Variants in AP3D1 observed in about 807,000 individuals in gnomAD.
The protein encoded by AP3D1 is AP-3 complex subunit delta-1.
A neutral mutation model predicts 147.6 loss-of-function variants in AP3D1; 51 were observed. The observed-to-expected ratio is 0.35, with a 90% confidence interval of 0.28 to 0.44. The LOEUF is 0.44. Among genes scored for constraint, AP3D1 ranks in the 20% least tolerant of loss-of-function variants. The pLI, the probability that AP3D1 is intolerant of heterozygous loss-of-function variation, is 1.00. For synonymous variants in AP3D1, 760 were observed against 663.0 expected (o/e 1.15, Z -2.25); for missense variants, 1,421 against 1,624.2 (o/e 0.87, Z 2.15).
At chr19:2,116,996 G>A (rs984949843) in intron 16 of AP3D1, 11 of 787,954 alleles carry the variant, frequency 1.4e-5, no homozygotes, top group Admixed American at 6.5e-5. Flanking sequence ...TTATGGCAAG[G>A]GTGGGAGCAG....
At chr19:2,115,747 G>A (rs913883091) in intron 18 of AP3D1, 134 bp from the exon 19 acceptor site, 16 of 913,794 alleles carry the variant, frequency 1.8e-5, no homozygotes, top group African/African-American at 1.5e-4. Flanking sequence ...GCCCTGGGCC[G>A]CGAGGAGCGC....
At chr19:2,102,411 C>T (rs60604006) in intron 31 of AP3D1, 143 bp from the exon 32 acceptor site, 20 of 654,818 alleles carry the variant, frequency 3.1e-5, no homozygotes, top group Non-Finnish European at 4.5e-5. Context: ...CTGGTCAACA[C>T]GGTGAAACCC....
chr19:2,133,936 T>C (rs901480452), intron 4 of AP3D1, among the ~76,000 whole-genome samples: 1 of 151,854 alleles, frequency 6.6e-6, no homozygotes, highest in African/African-American at 2.4e-5. Flanking sequence ...GGTGAAACCC[T>C]GTCTCTCCTA....
In AP3D1 at chr19:2,139,421, G is replaced by A. The variant is rs75252590; in HGVS notation, c.97-707C>T. Among the ~76,000 whole-genome samples the A allele has an allele frequency of 7.9e-3, 1,196 of 152,254 alleles. 6 individuals are homozygous for A. Among genetic ancestry groups the A allele is most frequent in the African/African-American group, 0.014 (567 of 41,562 alleles). ...GTCTGGTGTGTCTGGATCCCCCTGGGCCTGCTCACTAACTGCGCGTGTCTC... is the reference window on the plus strand; with the variant it reads ...GTCTGGTGTGTCTGGATCCCCCTGGACCTGCTCACTAACTGCGCGTGTCTC... On this transcript the variant is annotated intron_variant, in intron 1 of 31. Coordinates refer to ENST00000643116, the MANE Select transcript of AP3D1 (RefSeq NM_001261826.3).
At chr19:2,127,066 A>C (rs2018777316) in intron 9 of AP3D1, 86 bp downstream of exon 9, 2 of 1,436,454 alleles carry the variant, frequency 1.4e-6, no homozygotes, top group Admixed American at 1.7e-5. Flanking sequence ...GCTCGGAGAC[A>C]CCAGGCCTGG....
At chr19:2,145,562 T>A (rs1250395786) in intron 1 of AP3D1, among the ~76,000 whole-genome samples, 2 of 152,000 alleles carry the variant, frequency 1.3e-5, no homozygotes, top group Admixed American at 1.3e-4. Flanking sequence ...CCAAGAACAA[T>A]CCAGCCTGAT....
intron 15 of AP3D1, 133 bp from the exon 16 acceptor site, chr19:2,117,500 G>C (rs568050271): frequency 2.0e-6 from 2 of 989,344 alleles, no homozygotes; most frequent in Non-Finnish European, 2.8e-6. Flanking sequence ...GCCACAGAGA[G>C]CCCAGCCTTC....
intron 3 of AP3D1, 95 bp downstream of exon 3, chr19:2,137,632 T>C: frequency 1.0e-5 from 11 of 1,078,440 alleles, no homozygotes; most frequent in Non-Finnish European, 1.5e-5. Context: ...CTAGACTCTG[T>C]CTCAAGAATA....
intron 29 of AP3D1, 197 bp from the exon 30 acceptor site, chr19:2,109,404 C>T: frequency 1.5e-6 from 1 of 682,006 alleles, no homozygotes; most frequent in African/African-American, 1.8e-5. Flanking sequence ...CTGACAATGA[C>T]TTGTCTTTAA....
At chr19:2,157,304 T>A (rs1023869265) in intron 1 of AP3D1, among the ~76,000 whole-genome samples, 1 of 150,426 alleles carries the variant, frequency 6.6e-6, no homozygotes, top group African/African-American at 2.4e-5. Flanking sequence ...TAGCCGGGCG[T>A]AGTGGCGGGC....
intron 28 of AP3D1, 60 bp from the exon 29 acceptor site, chr19:2,110,018 G>A: frequency 6.3e-7 from 1 of 1,599,170 alleles, no homozygotes; most frequent in Non-Finnish European, 8.6e-7. Context: ...CAGGGCTCAG[G>A]GTTCCCCAGG....
chr19:2,155,978 G>A (rs527955145), upstream of AP3D1, among the ~76,000 whole-genome samples: 6 of 151,418 alleles, frequency 4.0e-5, no homozygotes, highest in African/African-American at 1.5e-4. Flanking sequence ...GCGTGTACCC[G>A]GGAGGCGGAG....
chr19:2,152,572 C>T (rs1054050694), upstream of AP3D1, among the ~76,000 whole-genome samples: 2 of 146,996 alleles, frequency 1.4e-5, no homozygotes, highest in African/African-American at 2.5e-5. Context: ...AGAAAGTAAT[C>T]GCAATAAAAA....
chr19:2,102,450 C>G (rs539053516), intron 31 of AP3D1, among the ~76,000 whole-genome samples, 182 bp from the exon 32 acceptor site: 1 of 152,104 alleles, frequency 6.6e-6, no homozygotes, highest in South Asian at 2.1e-4. Flanking sequence ...AAAAAATGGC[C>G]GGGTGCGGTG....
chr19:2,122,586 G>A (rs970337383), intron 11 of AP3D1, among the ~76,000 whole-genome samples: 25 of 152,234 alleles, frequency 1.6e-4, no homozygotes, highest in African/African-American at 3.1e-4. Flanking sequence ...TGCCTATGGC[G>A]AAGTTCAGTG....
intron 31 of AP3D1, 102 bp from the exon 32 acceptor site, chr19:2,102,370 G>A (rs2017979263): frequency 2.1e-6 from 2 of 952,194 alleles, no homozygotes; most frequent in East Asian, 4.9e-5. Context: ...AAGGTGGGTG[G>A]ATCACCTGAG....
chr19:2,132,035 C>G (rs1335424572), intron 5 of AP3D1, among the ~76,000 whole-genome samples: 6 of 152,158 alleles, frequency 3.9e-5, no homozygotes, highest in Non-Finnish European at 7.3e-5. Flanking sequence ...TTTCTGGGGC[C>G]AAAATTTCCA....
At chr19:2,116,581 C>T (rs748132418) in intron 17 of AP3D1, 24 bp downstream of exon 17, 6 of 1,560,060 alleles carry the variant, frequency 3.8e-6, no homozygotes, top group South Asian at 1.2e-5. Flanking sequence ...GACGAGGGCT[C>T]GCCAGGGGCA....
chr19:2,113,133 C>T lies in AP3D1; in HGVS notation c.2680-166G>A. The stretch of plus-strand genomic sequence containing the variant: ...GAGCCTGTGAGCACAGAGGCCCTGG[C>T]TGTCCTCCCCTTCCCCTGGCCCCTG... On this transcript the variant is annotated intron_variant, in intron 23 of 31. Transcript: ENST00000643116. 6 of 629,418 alleles carry T rather than the reference C, an allele frequency of 9.5e-6. No homozygotes were observed. The South Asian group carries it at 1.2e-4, about 13-fold the overall frequency. The allele number at this position is 629,418 out of a possible 1,614,324, so 39.0% of individuals were successfully genotyped here. A position where few individuals can be genotyped will look rare whatever the true frequency, so the allele number is the denominator to read the frequency against.
Sources: allele counts gnomAD v4.1 joint callset (sites outside exome capture counted in the v4.1 genomes callset), GRCh38; gene constraint gnomAD v4.1.1; transcripts MANE v1.5; gene names NCBI Gene and HGNC (gene_info 2026-07-23, HGNC 2026-07-21).